The following IQCH variants were observed in gnomAD, a reference collection of about 807,000 sequenced individuals.
The protein encoded by IQCH is IQ domain-containing protein H.
Under a neutral mutation model 117.0 loss-of-function variants are expected in IQCH, and 98 were observed. That is an observed-to-expected ratio of 0.84 (90% CI 0.71 to 0.99). The LOEUF is 0.99. IQCH is among the 50% of genes least tolerant of loss of function. IQCH has a pLI of 0.00. For missense variants in IQCH, 1,102 were observed against 1,243.8 expected, an observed-to-expected ratio of 0.89 and a Z score of 1.72; for synonymous variants, 412 against 448.2, an observed-to-expected ratio of 0.92 and a Z score of 1.02.
chr15:67,346,693 G>T (rs1567114944), intron 6 of IQCH, among the ~76,000 whole-genome samples: 1 of 152,126 alleles, frequency 6.6e-6, no homozygotes, highest in Non-Finnish European at 1.5e-5. Context: ...GACTATGATA[G>T]AACGGTATTA....
At chr15:67,470,081 T>C (rs1252512305) in intron 17 of IQCH, among the ~76,000 whole-genome samples, 2 of 152,264 alleles carry the variant, frequency 1.3e-5, no homozygotes, top group Admixed American at 1.3e-4. Flanking sequence ...CATTGGCTTC[T>C]CGTCTGCTCT....
chr15:67,263,965 T>C (rs1023655540), intron 3 of IQCH, among the ~76,000 whole-genome samples: 1 of 152,246 alleles, frequency 6.6e-6, no homozygotes, highest in Admixed American at 6.5e-5. Flanking sequence ...GTAGCCCTTA[T>C]TTGTGTTTTA....
chr15:67,378,147 G>A (rs1268344133), intron 10 of IQCH, among the ~76,000 whole-genome samples: 1 of 152,036 alleles, frequency 6.6e-6, no homozygotes, highest in Non-Finnish European at 1.5e-5. Flanking sequence ...ATAAAAGCTT[G>A]AACTCACCTA....
At chr15:67,346,927 CG>C (rs1969421012) in intron 6 of IQCH, among the ~76,000 whole-genome samples, 1 of 151,688 alleles carries the variant, frequency 6.6e-6, no homozygotes, top group East Asian at 1.9e-4. Context: ...CTAAATAACC[CG>C]TGGATCAAAG....
rs374713619 is a variant in IQCH at position 67,405,393 on chromosome 15, A to G, written c.2097+5088A>G. The G allele has an allele frequency of 5.7e-3, 283 of 49,582 alleles. 2 individuals are homozygous for G. The highest frequency in any genetic ancestry group is 0.015 in the African/African-American group (258 of 16,906). 3.1% of individuals were successfully genotyped at this position (49,582 alleles called of 1,614,324 possible). On this transcript the variant is annotated intron_variant, in intron 14 of 20. Transcript: ENST00000335894. The surrounding 1 kb of genome is among the most constrained non-coding windows in gnomAD (Gnocchi z 4.8). ...TGACATTTCCTTGTATTTCTTTGTC[A>G]TCATCATCATCATCATCATCATCAT...
At chr15:67,282,795 A>G (rs1347771128) in intron 4 of IQCH, among the ~76,000 whole-genome samples, 2 of 152,176 alleles carry the variant, frequency 1.3e-5, no homozygotes, top group African/African-American at 4.8e-5. Context: ...CTCTCTCACC[A>G]AAAGTGGATA....
chr15:67,380,661 A>G (rs1704323282), intron 10 of IQCH, among the ~76,000 whole-genome samples: 1 of 152,226 alleles, frequency 6.6e-6, no homozygotes, highest in South Asian at 2.1e-4. Flanking sequence ...TTTCTTATGA[A>G]TTGGAGCAAT....
In IQCH at chr15:67,493,128, G is replaced by C. The variant is rs550779270; in HGVS notation, c.2862-1130G>C. On this transcript the variant is annotated intron_variant, in intron 19 of 20. Coordinates refer to ENST00000335894, the MANE Select transcript of IQCH (RefSeq NM_001031715.3). The surrounding 1 kb of genome is among the most constrained non-coding windows in gnomAD (Gnocchi z 5.1). ...AGGGCACAGTTGACATGGACCTCTC[G>C]AAAGCCTTTAGTCCTTTTCTACTGT... Among the ~76,000 whole-genome samples, 2 of 152,306 alleles carry C rather than the reference G, an allele frequency of 1.3e-5. No individual in the cohort carries two copies. The highest frequency in any genetic ancestry group is 3.9e-4 in the East Asian group (2 of 5,190).
chr15:67,451,579 G>T (rs2082528114), intron 16 of IQCH, among the ~76,000 whole-genome samples: 1 of 152,042 alleles, frequency 6.6e-6, no homozygotes, highest in South Asian at 2.1e-4. Flanking sequence ...TTGCACTGTG[G>T]TCTGAGAGAC....
rs1211471051 is a variant in IQCH at position 67,372,532 on chromosome 15, A to G, written c.1175A>G (p.Tyr392Cys). 6.2e-7 allele frequency: 1 copy of G among 1,614,116 alleles called. No individual in the cohort carries two copies. Among genetic ancestry groups the G allele is most frequent in the South Asian group, 1.1e-5 (1 of 91,084 alleles). ...CYKARKFFLF[Y>C]RQQKWASGVI... ...AAAGCAAGAAAATTCTTCCTCTTTT[A>G]TCGCCAGCAGAAGTGGGCATCAGGT... Residue 392 changes from tyrosine (Y) to cysteine (C), a missense_variant, in exon 9 of 21, where the codon TAT (tyrosine) becomes TGT (cysteine). Around this residue, in one of 2 missense-constraint regions of IQCH, gnomAD observed 650 missense variants for 794.3 expected, o/e 0.82. Transcript: ENST00000335894.
intron 1 of IQCH, among the ~76,000 whole-genome samples, chr15:67,257,820 A>G (rs1057238749): frequency 2.6e-5 from 4 of 152,278 alleles, no homozygotes; most frequent in Non-Finnish European, 5.9e-5. Flanking sequence ...TGTTAACACA[A>G]AAATCCAACA....
intron 4 of IQCH, among the ~76,000 whole-genome samples, chr15:67,324,409 A>G (rs901266697): frequency 3.3e-5 from 5 of 151,868 alleles, no homozygotes; most frequent in Non-Finnish European, 5.9e-5. Flanking sequence ...CCAGAGTTCG[A>G]GACCAACCTG....
At position 67,454,844 on chromosome 15, in the gene IQCH, T is replaced by G. The variant is rs1333151086; in HGVS notation, c.2506-10283T>G. Among the ~76,000 whole-genome samples, 1 of 152,254 alleles carries G rather than the reference T, an allele frequency of 6.6e-6. No individual in the cohort carries two copies. Among genetic ancestry groups the G allele is most frequent in the African/African-American group, 2.4e-5 (1 of 41,468 alleles). ...GGTTGTGTCCACTTTTTGACTGTTA[T>G]GAATAATGTTGCAATGGACATTCAT... On this transcript the variant is annotated intron_variant, in intron 16 of 20. Coordinates refer to ENST00000335894, the MANE Select transcript of IQCH (RefSeq NM_001031715.3). This position sits in a 1 kb window ranked among gnomAD's most constrained non-coding sequence, Gnocchi z 5.2.
chr15:67,333,747 T>C (rs1384776530), intron 4 of IQCH, among the ~76,000 whole-genome samples: 1 of 152,206 alleles, frequency 6.6e-6, no homozygotes, highest in Non-Finnish European at 1.5e-5. Flanking sequence ...TAAGCTTTTC[T>C]ATATTTTTTA....
intron 4 of IQCH, among the ~76,000 whole-genome samples, chr15:67,307,756 G>A (rs1967373973): frequency 6.6e-6 from 1 of 152,106 alleles, no homozygotes; most frequent in Non-Finnish European, 1.5e-5. Flanking sequence ...GGGAATAATT[G>A]CTGAGATGGA....
intron 7 of IQCH, among the ~76,000 whole-genome samples, chr15:67,358,974 G>C (rs894108138): frequency 1.3e-5 from 2 of 152,224 alleles, no homozygotes; most frequent in African/African-American, 4.8e-5. Flanking sequence ...GAAAAATGTG[G>C]GTAAAGAAAA....
chr15:67,306,438 A>AT (rs1293941641), intron 4 of IQCH, among the ~76,000 whole-genome samples: 1 of 152,134 alleles, frequency 6.6e-6, no homozygotes, highest in Non-Finnish European at 1.5e-5. Flanking sequence ...GCCGAGGGCC[A>AT]TGTGTTTCGT....
chr15:67,306,712 T>C, intron 4 of IQCH: 1 of 756,800 alleles, frequency 1.3e-6, no homozygotes, highest in Non-Finnish European at 2.3e-6. Flanking sequence ...CCTGTGACTC[T>C]GTTATGTAAA....
chr15:67,293,465 A>G (rs1966821070), intron 4 of IQCH, among the ~76,000 whole-genome samples: 1 of 152,200 alleles, frequency 6.6e-6, no homozygotes, highest in Non-Finnish European at 1.5e-5. Flanking sequence ...TGTACACTTT[A>G]AATAATCGCT....
Sources: gnomAD v4.1 joint callset for allele counts (sites outside exome capture counted in the v4.1 genomes callset) on GRCh38, gnomAD v4.1.1 for gene constraint, gnomAD v4.1.1 regional missense constraint, Gnocchi (gnomAD v3.1) non-coding constraint, MANE v1.5 for transcripts, NCBI Gene and HGNC (gene_info 2026-07-23, HGNC 2026-07-21) for gene names.